Variants in CSMD3 observed in about 807,000 individuals in gnomAD.
The protein encoded by CSMD3 is CUB and sushi domain-containing protein 3.
Under a neutral mutation model 435.2 loss-of-function variants are expected in CSMD3, and 177 were observed. The observed-to-expected ratio is 0.41, with a 90% CI of 0.36 to 0.46. The LOEUF (loss-of-function observed/expected upper bound fraction) is 0.46, where lower values mean the gene tolerates loss of function less well. CSMD3 is among the 20% of genes least tolerant of loss of function. The pLI is 0.34. For synonymous variants in CSMD3, 1,656 were observed against 1,520.5 expected, an observed-to-expected ratio of 1.09 and a Z score of -2.07; for missense variants, 4,265 against 4,504.6, an observed-to-expected ratio of 0.95 and a Z score of 1.52.
At chr8:112,909,193 T>A (rs889087863) in intron 10 of CSMD3, among the ~76,000 whole-genome samples, 2 of 151,480 alleles carry the variant, frequency 1.3e-5, no homozygotes, top group Non-Finnish European at 3.0e-5. Context: ...GAAATAAAAG[T>A]TTACCCAAAA....
chr8:113,418,355 C>T (rs778616324), intron 1 of CSMD3, among the ~76,000 whole-genome samples: 9 of 151,994 alleles, frequency 5.9e-5, no homozygotes, highest in Non-Finnish European at 8.8e-5. Context: ...CAGTTTAGTG[C>T]AAACCAATGA....
At chr8:113,398,801 C>T (rs2094495574) in intron 1 of CSMD3, among the ~76,000 whole-genome samples, 1 of 151,944 alleles carries the variant, frequency 6.6e-6, no homozygotes, top group Non-Finnish European at 1.5e-5. Context: ...ATTGCTTCAG[C>T]TGGGTCAAAT....
intron 5 of CSMD3, among the ~76,000 whole-genome samples, chr8:113,034,236 T>A (rs2087244508): frequency 6.6e-6 from 1 of 151,488 alleles, no homozygotes; most frequent in South Asian, 2.1e-4. Context: ...AAATATTAGA[T>A]CAAAATTATT....
At chr8:112,473,721 A>AT (rs71309772) in intron 31 of CSMD3, among the ~76,000 whole-genome samples, 11,683 of 131,250 alleles carry the variant, frequency 0.089, 563 homozygotes, top group Non-Finnish European at 0.1. Flanking sequence ...AGGAAGAGGG[A>AT]TTTTTTTTTT....
chr8:112,701,339 T>G (rs2076384806), intron 13 of CSMD3, among the ~76,000 whole-genome samples: 1 of 152,142 alleles, frequency 6.6e-6, no homozygotes, highest in Non-Finnish European at 1.5e-5. Flanking sequence ...ATGTAATTTT[T>G]ATTGCAGTGC....
intron 40 of CSMD3, among the ~76,000 whole-genome samples, chr8:112,347,113 T>C (rs984106236): frequency 2.0e-5 from 3 of 152,104 alleles, no homozygotes; most frequent in African/African-American, 7.2e-5. Flanking sequence ...CACACAAATT[T>C]GAGAATGTAG....
At chr8:112,885,884 T>C (rs2081575516) in intron 10 of CSMD3, among the ~76,000 whole-genome samples, 1 of 151,740 alleles carries the variant, frequency 6.6e-6, no homozygotes, top group Admixed American at 6.6e-5. Context: ...AGTTTCACTA[T>C]GTCTGGGCTG....
chr8:113,127,413 C>T, intron 4 of CSMD3, among the ~76,000 whole-genome samples: 1 of 151,960 alleles, frequency 6.6e-6, no homozygotes, highest in East Asian at 1.9e-4. Context: ...TTATTGAGTG[C>T]TGACTGTGTA....
intron 6 of CSMD3, among the ~76,000 whole-genome samples, chr8:113,000,880 C>G (rs957520696): frequency 2.0e-5 from 3 of 152,034 alleles, no homozygotes; most frequent in African/African-American, 4.8e-5. Context: ...TCATCACTTG[C>G]AACCACAAAT....
chr8:112,846,723 ATATT>A (rs1564019714), intron 11 of CSMD3, among the ~76,000 whole-genome samples: 1 of 151,698 alleles, frequency 6.6e-6, no homozygotes. Context: ...TTCTTTATTG[ATATT>A]TATTTATTTA....
chr8:112,368,490 C>T (rs1169763307), intron 38 of CSMD3, among the ~76,000 whole-genome samples: 1 of 152,156 alleles, frequency 6.6e-6, no homozygotes, highest in East Asian at 1.9e-4. Context: ...ATAGTGCTTA[C>T]ACCATTTTGC....
intron 10 of CSMD3, among the ~76,000 whole-genome samples, chr8:112,920,963 TTA>T (rs138825681): frequency 2.8e-4 from 35 of 125,812 alleles, no homozygotes; most frequent in South Asian, 1.5e-3. Context: ...ATACTGGTAT[TTA>T]TATATATATA....
At chr8:113,114,708 T>C (rs964374719) in intron 4 of CSMD3, among the ~76,000 whole-genome samples, 7 of 152,128 alleles carry the variant, frequency 4.6e-5, no homozygotes, top group African/African-American at 1.7e-4. Context: ...TTACAAAAAG[T>C]AGGAATTTTA....
intron 13 of CSMD3, among the ~76,000 whole-genome samples, chr8:112,796,956 C>T (rs2078844297): frequency 6.6e-6 from 1 of 151,898 alleles, no homozygotes; most frequent in Non-Finnish European, 1.5e-5. Context: ...TGAACAGAAA[C>T]ACGAAATGAA....
In CSMD3 at chr8:113,154,793, C is replaced by T. The variant is rs1291590751; in HGVS notation, c.709+18929G>A. Among the ~76,000 whole-genome samples the T allele has an allele frequency of 2.0e-5, 3 of 151,998 alleles. No homozygotes were observed. In the East Asian group the frequency reaches 5.8e-4, roughly 30 times the overall value. Reference sequence around the variant, plus strand: ...TATTTTGTATACTGTATGTCTTTCCCATTTGATGGAGAAATTTTGGAATGT... The same window carrying T: ...TATTTTGTATACTGTATGTCTTTCCTATTTGATGGAGAAATTTTGGAATGT... On this transcript the variant is annotated intron_variant, in intron 4 of 70. Coordinates refer to ENST00000297405, the MANE Select transcript of CSMD3 (RefSeq NM_198123.2).
At chr8:112,900,431 GAGTCCTCTAAGCTC>G (rs1372673680) in intron 10 of CSMD3, among the ~76,000 whole-genome samples, 1 of 151,128 alleles carries the variant, frequency 6.6e-6, no homozygotes, top group Non-Finnish European at 1.5e-5. Context: ...TAAAATATTT[GAGTCCTCTAAGCTC>G]AGTCCTCTCT....
intron 24 of CSMD3, among the ~76,000 whole-genome samples, chr8:112,568,792 A>C (rs1829271249): frequency 6.6e-6 from 1 of 152,136 alleles, no homozygotes; most frequent in African/African-American, 2.4e-5. Context: ...CTGGGCTTCC[A>C]TGACACCATT....
chr8:112,911,639 ATATGTGTG>A (rs544542486), intron 10 of CSMD3, among the ~76,000 whole-genome samples: 999 of 42,268 alleles, frequency 0.024, 21 homozygotes, highest in African/African-American at 0.11. Context: ...GTGTACATAT[ATATGTGTG>A]TGTGTGTGTG....
chr8:113,075,050 T>C (rs999333164), intron 5 of CSMD3, among the ~76,000 whole-genome samples: 3 of 151,822 alleles, frequency 2.0e-5, no homozygotes, highest in Admixed American at 6.6e-5. Context: ...AAATGATCAA[T>C]ATATGGCTAA....
Sources: allele counts gnomAD v4.1 joint callset (sites outside exome capture counted in the v4.1 genomes callset), GRCh38; gene constraint gnomAD v4.1.1; transcripts MANE v1.5; gene names NCBI Gene and HGNC (gene_info 2026-07-23, HGNC 2026-07-21).